The following ST8SIA6 variants were observed in gnomAD, a reference collection of about 807,000 sequenced individuals.
The protein encoded by ST8SIA6 is ST8 alpha-N-acetyl-neuraminide alpha-2,8-sialyltransferase 6.
A neutral mutation model predicts 33.6 loss-of-function variants in ST8SIA6; 39 were observed. The observed-to-expected ratio is 1.16, with a 90% CI of 0.90 to 1.52. The LOEUF is 1.52. Ranked by LOEUF, ST8SIA6 falls within the 40% of genes most tolerant of loss-of-function variation. The pLI is 0.00. For missense variants in ST8SIA6, 441 were observed against 443.8 expected (o/e 0.99, Z 0.06); for synonymous variants, 172 against 167.2 (o/e 1.03, Z -0.22).
At chr10:17,402,841 G>A (rs1373841092) in intron 2 of ST8SIA6, among the ~76,000 whole-genome samples, 1 of 152,106 alleles carries the variant, frequency 6.6e-6, no homozygotes, top group African/African-American at 2.4e-5. Context: ...AAATTAATGG[G>A]TGCAGCACAC....
intron 4 of ST8SIA6, among the ~76,000 whole-genome samples, chr10:17,340,710 A>G (rs187633449): frequency 3.3e-4 from 51 of 152,314 alleles, no homozygotes; most frequent in African/African-American, 1.1e-3. Context: ...ATGGTGTGCA[A>G]TGGGGGAAAT....
chr10:17,334,507 C>G (rs1322134712), intron 4 of ST8SIA6, among the ~76,000 whole-genome samples: 1 of 149,792 alleles, frequency 6.7e-6, no homozygotes, highest in Non-Finnish European at 1.5e-5. Flanking sequence ...CCACTGCACT[C>G]CAGCCTGGGC....
In ST8SIA6 at chr10:17,320,000, TC is replaced by T. The variant is rs1847893770; in HGVS notation, c.*877del. 1 of 152,198 alleles carries T rather than the reference TC, an allele frequency of 6.6e-6. No individual in the cohort carries two copies. The highest frequency in any genetic ancestry group is 2.4e-5 in the African/African-American group (1 of 41,458). The allele number at this position is 152,198 out of a possible 1,614,324, so 9.4% of individuals were successfully genotyped here. On this transcript the variant is annotated 3_prime_UTR_variant, in exon 8 of 8. Transcript: ENST00000377602. ...CCCATCATAATTAATGATATGCACA[TC>T]TGTTTTCTCCTACAAGAGGCAATAA...
intron 3 of ST8SIA6, among the ~76,000 whole-genome samples, chr10:17,381,483 A>G (rs549287784): frequency 1.3e-5 from 2 of 152,242 alleles, no homozygotes; most frequent in Non-Finnish European, 2.9e-5. Flanking sequence ...GGCTTTAAAA[A>G]AAAGTGCTTA....
chr10:17,413,277 T>G (rs553691012), intron 2 of ST8SIA6: 1 of 152,232 alleles, frequency 6.6e-6, no homozygotes, highest in South Asian at 2.1e-4. Context: ...CTTCTTTTTT[T>G]TTTTTGCTTA....
At position 17,317,481 on chromosome 10, in the gene ST8SIA6, A is replaced by G. The variant is rs1190463583; in HGVS notation, c.*3397T>C. Among the ~76,000 whole-genome samples, 4 of 152,204 alleles carry G rather than the reference A, an allele frequency of 2.6e-5. No homozygotes were observed. Among genetic ancestry groups the G allele is most frequent in the Non-Finnish European group, 5.9e-5 (4 of 68,036 alleles). ...CAGATATATCAGATGAATTCCTACA[A>G]TGCCTTCAATTTTTAATGGCATAAT... is the stretch of plus-strand genomic sequence containing the variant. On this transcript the variant is annotated 3_prime_UTR_variant, in exon 8 of 8. Coordinates refer to ENST00000377602, the MANE Select transcript of ST8SIA6 (RefSeq NM_001004470.3).
chr10:17,349,041 C>T (rs1848946172), intron 4 of ST8SIA6, among the ~76,000 whole-genome samples: 1 of 152,144 alleles, frequency 6.6e-6, no homozygotes, highest in African/African-American at 2.4e-5. Flanking sequence ...GAGGGACAAG[C>T]CACAGACAGT....
chr10:17,448,782 A>ATTT (rs753562099), intron 2 of ST8SIA6, among the ~76,000 whole-genome samples: 36 of 123,534 alleles, frequency 2.9e-4, no homozygotes, highest in South Asian at 8.6e-4. Context: ...CGCCAGGCTA[A>ATTT]TTTTTTTTTT....
intron 3 of ST8SIA6, among the ~76,000 whole-genome samples, chr10:17,360,912 G>GAA (rs1849362084): frequency 1.0e-5 from 1 of 98,254 alleles, no homozygotes; most frequent in Non-Finnish European, 2.1e-5. Context: ...AAGAAGAAGA[G>GAA]GAAGAAGGGA....
At chr10:17,434,079 C>G (rs1852180115) in intron 2 of ST8SIA6, among the ~76,000 whole-genome samples, 1 of 152,296 alleles carries the variant, frequency 6.6e-6, no homozygotes, top group South Asian at 2.1e-4. Context: ...CTCCCCTGGG[C>G]TACCCCCTCT....
At chr10:17,440,341 G>A (rs1372817877) in intron 2 of ST8SIA6, among the ~76,000 whole-genome samples, 1 of 151,758 alleles carries the variant, frequency 6.6e-6, no homozygotes, top group Non-Finnish European at 1.5e-5. Flanking sequence ...AAGTAGCTGG[G>A]ATTACAGGCG....
intron 2 of ST8SIA6, among the ~76,000 whole-genome samples, chr10:17,395,083 G>T (rs1273687586): frequency 6.6e-6 from 1 of 152,132 alleles, no homozygotes; most frequent in Non-Finnish European, 1.5e-5. Flanking sequence ...ACGGGGGGCA[G>T]TTTCCCCCAT....
chr10:17,380,885 G>A (rs183009867), intron 3 of ST8SIA6, among the ~76,000 whole-genome samples: 217 of 149,674 alleles, frequency 1.4e-3, no homozygotes, highest in African/African-American at 5.3e-3. Flanking sequence ...GTACACGTTT[G>A]TGTGTATGCA....
chr10:17,331,444 G>A lies in ST8SIA6; in HGVS notation c.486C>T (p.Ile162=), dbSNP rs1848295470. 1.2e-6 allele frequency: 2 copies of A among 1,613,394 alleles called. No homozygotes were observed. Among genetic ancestry groups the A allele is most frequent in the South Asian group, 1.1e-5 (1 of 90,904 alleles). The part of the protein sequence containing the change: ...MSYEVESKKE[I]PIKKNIFHMF... ...TATGAAAAATGTTCTTCTTAATTGG[G>A]ATTTCTTTTTTGCTTTCCACCTCGT... The change falls in exon 5 of 8, where the codon ATC becomes ATT. Residue 162 remains isoleucine, a synonymous_variant. Coordinates refer to ENST00000377602, the MANE Select transcript of ST8SIA6 (RefSeq NM_001004470.3).
At chr10:17,348,263 G>A (rs1848916595) in intron 4 of ST8SIA6, among the ~76,000 whole-genome samples, 1 of 148,452 alleles carries the variant, frequency 6.7e-6, no homozygotes, top group Admixed American at 6.7e-5. Context: ...CATATTGAGA[G>A]CCTGAATTAA....
chr10:17,324,979 TATA>T (rs984808493), intron 6 of ST8SIA6, among the ~76,000 whole-genome samples: 70 of 144,694 alleles, frequency 4.8e-4, no homozygotes, highest in African/African-American at 1.3e-3. Flanking sequence ...ATATGTAATA[TATA>T]ATATGTATAC....
intron 4 of ST8SIA6, among the ~76,000 whole-genome samples, chr10:17,333,703 ATATATATATATATATTTTTT>A (rs1392718326): frequency 4.1e-5 from 1 of 24,384 alleles, no homozygotes; most frequent in Non-Finnish European, 6.7e-5. Context: ...ATATATATAT[ATATATATATATATATTTTTT>A]TTTTTTTTTT....
At chr10:17,403,247 T>A (rs1218505227) in intron 2 of ST8SIA6, among the ~76,000 whole-genome samples, 4 of 152,252 alleles carry the variant, frequency 2.6e-5, no homozygotes, top group Non-Finnish European at 4.4e-5. Flanking sequence ...TGGAGATTTA[T>A]AAAAACCTCA....
chr10:17,329,679 A>G (rs1848236639), intron 5 of ST8SIA6, among the ~76,000 whole-genome samples: 1 of 152,238 alleles, frequency 6.6e-6, no homozygotes, highest in African/African-American at 2.4e-5. Context: ...TTATGCACTC[A>G]CAATAAGGAA....
Sources: allele counts gnomAD v4.1 joint callset (sites outside exome capture counted in the v4.1 genomes callset), GRCh38; gene constraint gnomAD v4.1.1; transcripts MANE v1.5; gene names NCBI Gene and HGNC (gene_info 2026-07-23, HGNC 2026-07-21).